HPS1: variants seen among roughly 807,000 people sequenced by gnomAD.
The protein encoded by HPS1 is BLOC-3 complex member HPS1.
A neutral mutation model predicts 90.6 loss-of-function variants in HPS1; 59 were observed. That is an observed-to-expected ratio of 0.65 (90% CI 0.53 to 0.81). HPS1 has a LOEUF of 0.81. Among genes scored for constraint, HPS1 ranks in the 30% least tolerant of loss-of-function variants. The pLI, the probability that HPS1 is intolerant of heterozygous loss-of-function variation, is 0.00. For missense variants in HPS1, 849 were observed against 896.7 expected (o/e 0.95, Z 0.68); for synonymous variants, 388 against 384.4 (o/e 1.01, Z -0.11).
chr10:98,414,851 C>G, downstream of HPS1: 1 of 1,154,430 alleles, frequency 8.7e-7, no homozygotes, highest in South Asian at 1.9e-5. Flanking sequence ...GATGGAAGGG[C>G]TTTCCATTGC....
chr10:98,424,098 G>A (rs1591042946), intron 14 of HPS1, among the ~76,000 whole-genome samples: 2 of 152,298 alleles, frequency 1.3e-5, no homozygotes, highest in African/African-American at 4.8e-5. Flanking sequence ...AGGACAGACA[G>A]ATGGAAAGAC....
chr10:98,418,493 C>T (rs1844416754), intron 18 of HPS1, among the ~76,000 whole-genome samples: 1 of 152,222 alleles, frequency 6.6e-6, no homozygotes, highest in Non-Finnish European at 1.5e-5. Flanking sequence ...ACCGTCAATA[C>T]CTGGACCTGT....
intron 3 of HPS1, among the ~76,000 whole-genome samples, chr10:98,441,798 T>G (rs1564872236): frequency 6.6e-6 from 1 of 152,240 alleles, no homozygotes; most frequent in Non-Finnish European, 1.5e-5. Flanking sequence ...CTAGTGAACA[T>G]CTATTAGAAT....
chr10:98,415,458 C>T (rs529147494), downstream of HPS1, among the ~76,000 whole-genome samples: 1 of 152,366 alleles, frequency 6.6e-6, no homozygotes, highest in East Asian at 1.9e-4. Context: ...CCCCATTTTA[C>T]AGATGAGGGC....
At chr10:98,423,284 C>CCCG (rs1554887493) in intron 16 of HPS1, among the ~76,000 whole-genome samples, 1 of 147,476 alleles carries the variant, frequency 6.8e-6, no homozygotes, top group African/African-American at 2.5e-5. Context: ...CAGGAACCCC[C>CCCG]CCCCCGGTCC....
At position 98,429,626 on chromosome 10, in the gene HPS1, G is replaced by A. The variant is rs759798824; in HGVS notation, c.884C>T (p.Ser295Phe). ...SSAETETDSF[S>F]LPEEYFTPAP... Reference sequence around the variant, plus strand: ...TGGTGTGAAGTACTCCTCAGGGAGGGAGAAGCTGTCTGTCTCCTGGAATGG... The same window carrying A: ...TGGTGTGAAGTACTCCTCAGGGAGGAAGAAGCTGTCTGTCTCCTGGAATGG... Residue 295 changes from serine (S) to phenylalanine (F), a missense_variant, in exon 10 of 20, where the codon TCC becomes TTC. Physicochemically the swap from Ser to Phe is radical, Grantham distance 155. Coordinates refer to ENST00000361490, the MANE Select transcript of HPS1 (RefSeq NM_000195.5). The A allele has an allele frequency of 4.3e-6, 7 of 1,614,226 alleles. No individual in the cohort carries two copies. Among genetic ancestry groups the A allele is most frequent in the South Asian group, 1.1e-5 (1 of 91,088 alleles).
chr10:98,442,799 C>T lies in HPS1; in HGVS notation c.117+325G>A, dbSNP rs185994403. ...TTGTGATTACAGGCGTGAGCCACCG[C>T]GCCCAGCCTTGTTAAACTTTTTAGG... is the stretch of plus-strand genomic sequence containing the variant. On this transcript the variant is annotated intron_variant, in intron 3 of 19. Coordinates refer to ENST00000361490, the MANE Select transcript of HPS1 (RefSeq NM_000195.5). 339 of 371,476 alleles carry T rather than the reference C, an allele frequency of 9.1e-4. 1 individual carries two copies. Among genetic ancestry groups the T allele is most frequent in the African/African-American group, 5.9e-3 (280 of 47,840 alleles). The allele number at this position is 371,476 out of a possible 1,614,324, so 23.0% of individuals were successfully genotyped here.
intron 3 of HPS1, among the ~76,000 whole-genome samples, chr10:98,441,157 G>A (rs184533859): frequency 6.6e-6 from 1 of 152,136 alleles, no homozygotes; most frequent in Non-Finnish European, 1.5e-5. Flanking sequence ...CTGCAGAAAT[G>A]TAAGAACACC....
At chr10:98,430,989 G>GGA in intron 7 of HPS1, 142 bp downstream of exon 7, 1 of 858,662 alleles carries the variant, frequency 1.2e-6, no homozygotes, top group Middle Eastern at 2.5e-4. Flanking sequence ...GAAAAAGGTT[G>GGA]GAGAATCAAA....
chr10:98,429,520 G>A, intron 10 of HPS1, 53 bp downstream of exon 10: 2 of 1,613,700 alleles, frequency 1.2e-6, no homozygotes, highest in Non-Finnish European at 1.7e-6. Context: ...GTCCTGGGCT[G>A]CCTGTCGCTC....
chr10:98,425,727 G>T lies in HPS1; in HGVS notation c.1156-7C>A. 1 of 1,607,218 alleles carries T rather than the reference G, an allele frequency of 6.2e-7. No homozygotes were observed. Among genetic ancestry groups the T allele is most frequent in the Non-Finnish European group, 8.5e-7 (1 of 1,175,712 alleles). The stretch of plus-strand genomic sequence containing the variant: ...CCAGGGGCGCGCTGGGGCTCTGAGG[G>T]TAAGGGCCGAGAGGCGGGTGAACGG... On this transcript the variant is annotated splice_polypyrimidine_tract_variant and splice_region_variant and intron_variant, in intron 12 of 19. Coordinates refer to ENST00000361490, the MANE Select transcript of HPS1 (RefSeq NM_000195.5).
chr10:98,438,009 T>A (rs957904723), intron 3 of HPS1, among the ~76,000 whole-genome samples: 1 of 152,232 alleles, frequency 6.6e-6, no homozygotes, highest in Non-Finnish European at 1.5e-5. Flanking sequence ...TTCTTGACAC[T>A]TCTTCCTGCT....
At position 98,422,416 on chromosome 10, in the gene HPS1, A is replaced by AGGTCT; in HGVS notation, c.1691_1695dup (p.Ser566ArgfsTer22). On this transcript the variant is annotated frameshift_variant, in exon 17 of 20. Coordinates refer to ENST00000361490, the MANE Select transcript of HPS1 (RefSeq NM_000195.5). LOFTEE classifies it high-confidence loss of function. ...AGCGGCCCCTTGCCCAACTCCGACG[A>AGGTCT]GGTCTTTTGACTGCAGTTGAGGGAA... The AGGTCT allele has an allele frequency of 6.2e-7, 1 of 1,613,762 alleles. No homozygotes were observed. The highest frequency in any genetic ancestry group is 8.5e-7 in the Non-Finnish European group (1 of 1,179,858).
chr10:98,420,600 C>T (rs1844723192), intron 17 of HPS1, among the ~76,000 whole-genome samples: 1 of 152,058 alleles, frequency 6.6e-6, no homozygotes, highest in Admixed American at 6.5e-5. Flanking sequence ...CCTGTAGTCC[C>T]AGCTATTTGG....
chr10:98,420,162 G>T lies in HPS1; in HGVS notation c.1744-4C>A. The T allele has an allele frequency of 6.2e-7, 1 of 1,603,080 alleles. No homozygotes were observed. Among genetic ancestry groups the T allele is most frequent in the South Asian group, 1.1e-5 (1 of 90,856 alleles). On this transcript the variant is annotated splice_polypyrimidine_tract_variant and splice_region_variant and intron_variant, in intron 17 of 19. Coordinates refer to ENST00000361490, the MANE Select transcript of HPS1 (RefSeq NM_000195.5). The stretch of plus-strand genomic sequence containing the variant: ...CCAGCTGGATCAGAGACCAGACCTG[G>T]GGAAAAGACAGCAAGCATCACCACT...
chr10:98,429,665 G>A (rs1286283923), intron 9 of HPS1, 23 bp from the exon 10 acceptor site: 2 of 1,614,130 alleles, frequency 1.2e-6, no homozygotes, highest in Non-Finnish European at 1.7e-6. Context: ...AGGTGGCTCA[G>A]GTTGAGAGGC....
intron 5 of HPS1, among the ~76,000 whole-genome samples, chr10:98,434,607 G>A (rs1240176491): frequency 6.6e-6 from 1 of 151,824 alleles, no homozygotes; most frequent in Non-Finnish European, 1.5e-5. Flanking sequence ...CTCAATATGG[G>A]TAGTTGCTCA....
Position 98,434,051 on chromosome 10 carries a change from C to T in HPS1, c.439G>A (p.Glu147Lys). 6.4e-6 allele frequency: 10 copies of T among 1,553,554 alleles called. No homozygotes were observed. The highest frequency in any genetic ancestry group is 8.7e-6 in the Non-Finnish European group (10 of 1,148,438). Residue 147 changes from glutamate (E) to lysine (K), a missense_variant, in exon 6 of 20, where the codon GAG (glutamate) becomes AAG (lysine). By Grantham distance (56) the Glu-to-Lys change is moderately conservative. Transcript: ENST00000361490. ...PDLAQRVQLW[E>K]HFQSLLWTYS... ...GTCCACAGCAGGCTCTGGAAGTGCT[C>T]CCACAGCTGGACACGCTGCGCCAGG...
intron 18 of HPS1, among the ~76,000 whole-genome samples, chr10:98,419,607 A>G (rs1319469089): frequency 6.6e-6 from 1 of 152,202 alleles, no homozygotes; most frequent in Non-Finnish European, 1.5e-5. Flanking sequence ...CCACACCACC[A>G]GTGTCTCCTC....
Sources: gnomAD v4.1 joint callset for allele counts (sites outside exome capture counted in the v4.1 genomes callset) on GRCh38, gnomAD v4.1.1 for gene constraint, MANE v1.5 for transcripts, NCBI Gene and HGNC (gene_info 2026-07-23, HGNC 2026-07-21) for gene names.